GYG1: variants seen among roughly 807,000 people sequenced by gnomAD.
GYG1 encodes glycogenin 1, also known as glycogenin-1.
Under a neutral mutation model 41.9 loss-of-function variants are expected in GYG1, and 44 were observed. The ratio of observed to expected loss-of-function variants is 1.05; its 90% CI spans 0.83 to 1.35. The LOEUF is 1.35. GYG1 is among the 40% of genes most tolerant of loss of function. GYG1 has a pLI of 0.00. For missense variants in GYG1, 429 were observed against 418.9 expected, an observed-to-expected ratio of 1.02 and a Z score of -0.21; for synonymous variants, 141 against 158.1, an observed-to-expected ratio of 0.89 and a Z score of 0.81.
At chr3:149,019,892 G>A (rs190320978) in intron 5 of GYG1, among the ~76,000 whole-genome samples, 190 of 152,148 alleles carry the variant, frequency 1.2e-3, no homozygotes, top group African/African-American at 4.1e-3. Flanking sequence ...GTCGTGTGGC[G>A]GTCCAGAGCC....
intron 5 of GYG1, among the ~76,000 whole-genome samples, chr3:149,015,063 G>C (rs563551789): frequency 1.1e-3 from 172 of 152,254 alleles, no homozygotes; most frequent in African/African-American, 3.9e-3. Flanking sequence ...GTATTTGGTA[G>C]GATATGTCAA....
intron 4 of GYG1, among the ~76,000 whole-genome samples, chr3:149,001,775 G>A (rs1559836502): frequency 6.6e-6 from 1 of 152,128 alleles, no homozygotes; most frequent in African/African-American, 2.4e-5. Flanking sequence ...TGTTGTGGTG[G>A]GGTGGGTGGT....
At chr3:149,015,481 G>A (rs893184485) in intron 5 of GYG1, among the ~76,000 whole-genome samples, 1 of 152,216 alleles carries the variant, frequency 6.6e-6, no homozygotes, top group Non-Finnish European at 1.5e-5. Flanking sequence ...TGGGAACTCA[G>A]GGAAGTGTGG....
At chr3:148,999,909 A>T (rs1289505907) in intron 4 of GYG1, among the ~76,000 whole-genome samples, 2 of 152,140 alleles carry the variant, frequency 1.3e-5, no homozygotes, top group Non-Finnish European at 2.9e-5. Context: ...AGTTTTACAG[A>T]TGACTGTATC....
At chr3:148,997,272 T>C (rs1356542231) in intron 4 of GYG1, among the ~76,000 whole-genome samples, 1 of 152,194 alleles carries the variant, frequency 6.6e-6, no homozygotes, top group Non-Finnish European at 1.5e-5. Context: ...TCAAGAGAGT[T>C]TGACAGCCAT....
At chr3:149,018,427 C>G (rs3772570) in intron 5 of GYG1, among the ~76,000 whole-genome samples, 66,084 of 151,890 alleles carry the variant, frequency 0.44, 15,383 homozygotes, top group African/African-American at 0.63. Context: ...GGCCATTGTT[C>G]GGTCCAGGCA....
At chr3:149,002,645 A>T (rs921346295) in intron 4 of GYG1, among the ~76,000 whole-genome samples, 1 of 152,164 alleles carries the variant, frequency 6.6e-6, no homozygotes, top group African/African-American at 2.4e-5. Context: ...GGGCTTTCAT[A>T]AGCTGTAATT....
rs1191523741 is a variant in GYG1 at position 149,030,660 on chromosome 3, C to T, written c.*3727C>T. The T allele has an allele frequency of 4.6e-5, 7 of 152,174 alleles. No homozygotes were observed. The highest frequency in any genetic ancestry group is 1.7e-4 in the African/African-American group (7 of 41,438). 9.4% of individuals were successfully genotyped at this position (152,174 alleles called of 1,614,324 possible). A position where few individuals can be genotyped will look rare whatever the true frequency, so the allele number is the denominator to read the frequency against. On this transcript the variant is annotated 3_prime_UTR_variant, in exon 8 of 8. Transcript: ENST00000345003. ...AATGCTTGATCTACCAGGTAACTTCCCAACTGCTCCTAATGCTAGCGGGCT... is the reference window on the plus strand; with the variant it reads ...AATGCTTGATCTACCAGGTAACTTCTCAACTGCTCCTAATGCTAGCGGGCT...
At chr3:148,997,055 TGTGTGTG>T (rs1260000950) in intron 4 of GYG1, 151 bp downstream of exon 4, 1 of 45,086 alleles carries the variant, frequency 2.2e-5, no homozygotes, top group African/African-American at 4.6e-4. Flanking sequence ...TGGGAAATAT[TGTGTGTG>T]TGTGTGTGTG....
intron 5 of GYG1, among the ~76,000 whole-genome samples, chr3:149,010,320 T>G (rs1321125805): frequency 6.7e-6 from 1 of 149,696 alleles, no homozygotes; most frequent in Non-Finnish European, 1.5e-5. Context: ...CAGTCCCTGG[T>G]GCAGTTCTTT....
chr3:149,017,558 T>C (rs1002831664), intron 5 of GYG1, among the ~76,000 whole-genome samples: 2 of 150,894 alleles, frequency 1.3e-5, no homozygotes, highest in Non-Finnish European at 1.5e-5. Flanking sequence ...ATTTTGCTTT[T>C]ATTTATTTAT....
At chr3:149,014,625 C>G (rs1277316696) in intron 5 of GYG1, among the ~76,000 whole-genome samples, 1 of 151,760 alleles carries the variant, frequency 6.6e-6, no homozygotes, top group Non-Finnish European at 1.5e-5. Flanking sequence ...GAGGGAGGAT[C>G]TCTTGAGCCC....
At chr3:148,998,578 A>G (rs1712933149) in intron 4 of GYG1, among the ~76,000 whole-genome samples, 1 of 152,236 alleles carries the variant, frequency 6.6e-6, no homozygotes, top group Admixed American at 6.5e-5. Flanking sequence ...TCTAACAAGA[A>G]GTGAAGTCTT....
chr3:148,995,163 T>C (rs1353229821), intron 2 of GYG1, among the ~76,000 whole-genome samples: 1 of 152,168 alleles, frequency 6.6e-6, no homozygotes, highest in East Asian at 1.9e-4. Flanking sequence ...TAAGCCGAGA[T>C]TGTGCCACTG....
rs558123408 is a variant in GYG1, at chr3:148,996,431, G to T, written c.273G>T (p.Ser91=). Residue 91 remains serine, a synonymous_variant, in exon 3 of 8, where the codon TCG becomes TCT. Coordinates refer to ENST00000345003, the MANE Select transcript of GYG1 (RefSeq NM_004130.4). ...CGCTGACAAAGCTCCACTGCTGGTC[G>T]CTTACACAGTATTCAAAATGTGTAT... is the stretch of plus-strand genomic sequence containing the variant. The part of the protein sequence containing the change: ...GVTLTKLHCW[S]LTQYSKCVFM... 1 of 1,613,984 alleles carries T rather than the reference G, an allele frequency of 6.2e-7. No individual in the cohort carries two copies. Among genetic ancestry groups the T allele is most frequent in the Non-Finnish European group, 8.5e-7 (1 of 1,179,922 alleles).
At chr3:149,026,424 C>CT in intron 6 of GYG1, 28 bp from the exon 7 acceptor site, 1 of 1,470,728 alleles carries the variant, frequency 6.8e-7, no homozygotes, top group African/African-American at 1.4e-5. Flanking sequence ...GCCCATCCAT[C>CT]TTACACTTTC....
intron 4 of GYG1, among the ~76,000 whole-genome samples, chr3:149,004,691 T>C (rs967637173): frequency 6.6e-6 from 1 of 152,350 alleles, no homozygotes; most frequent in Admixed American, 6.5e-5. Context: ...CCTGGAAGTT[T>C]TATGACCTGT....
At chr3:148,995,159 G>A (rs182610741) in intron 2 of GYG1, among the ~76,000 whole-genome samples, 188 of 152,288 alleles carry the variant, frequency 1.2e-3, no homozygotes, top group African/African-American at 4.1e-3. Flanking sequence ...GCAGTAAGCC[G>A]AGATTGTGCC....
chr3:148,994,306 C>G (rs940477835), intron 2 of GYG1, 29 bp downstream of exon 2: 2 of 1,611,948 alleles, frequency 1.2e-6, no homozygotes, highest in African/African-American at 2.7e-5. Context: ...CCCCAGCATC[C>G]AAGGGGCTCT....
Sources: gnomAD v4.1 joint callset for allele counts (sites outside exome capture counted in the v4.1 genomes callset) on GRCh38, gnomAD v4.1.1 for gene constraint, MANE v1.5 for transcripts, NCBI Gene and HGNC (gene_info 2026-07-23, HGNC 2026-07-21) for gene names.